The following POU6F2 variants were observed in gnomAD, a reference collection of about 807,000 sequenced individuals.
The protein encoded by POU6F2 is POU class 6 homeobox 2.
POU6F2 carries 31 observed loss-of-function variants against 71.3 expected under a neutral mutation model. The observed-to-expected ratio is 0.43, with a 90% CI of 0.33 to 0.59. POU6F2 has a LOEUF of 0.59. Among genes scored for constraint, POU6F2 ranks in the 20% least tolerant of loss-of-function variants. The pLI, the probability that POU6F2 is intolerant of heterozygous loss-of-function variation, is 0.04. For missense variants in POU6F2, 783 were observed against 856.8 expected (o/e 0.91, Z 1.07); for synonymous variants, 347 against 355.7 (o/e 0.98, Z 0.27).
At chr7:39,096,293 G>A (rs1791453470) in intron 2 of POU6F2, among the ~76,000 whole-genome samples, 1 of 152,104 alleles carries the variant, frequency 6.6e-6, no homozygotes, top group African/African-American at 2.4e-5. Flanking sequence ...GACATTAGTT[G>A]GAAAAGCAGT....
Position 39,013,444 on chromosome 7 carries a change from A to G in POU6F2, c.105+35386A>G, listed in dbSNP as rs903017268. ...CCACTGTCTGGAACTCCCTAGTGAG[A>G]AGAACCCGGTACCTCAGATGGAAAT... On this transcript the variant is annotated intron_variant, in intron 1 of 9. Coordinates refer to ENST00000518318, the MANE Select transcript of POU6F2 (RefSeq NM_001370959.1). 23 of 159,434 alleles carry G rather than the reference A, an allele frequency of 1.4e-4. 1 individual carries two copies. In the Middle Eastern group the frequency reaches 8.2e-3, roughly 57 times the overall value. 9.9% of individuals were successfully genotyped at this position (159,434 alleles called of 1,614,324 possible).
At position 39,406,677 on chromosome 7, in the gene POU6F2, T is replaced by C. The variant is rs1388432048; in HGVS notation, c.1050T>C (p.Phe350=). ...AMSSIASSQA[F]GNALSSLQGV... is the part of the protein sequence containing the mutation. ...GCTCCATAGCAAGCTCACAGGCCTTTGGCAATGCCCTCTCCAGTCTTCAGG... is the reference window on the plus strand; with the variant it reads ...GCTCCATAGCAAGCTCACAGGCCTTCGGCAATGCCCTCTCCAGTCTTCAGG... The change falls in exon 6 of 10, where the codon TTT becomes TTC. Residue 350 remains phenylalanine (F), a synonymous_variant. Coordinates refer to ENST00000518318, the MANE Select transcript of POU6F2 (RefSeq NM_001370959.1). The C allele has an allele frequency of 6.2e-7, 1 of 1,613,768 alleles. No individual in the cohort carries two copies. Among genetic ancestry groups the C allele is most frequent in the Non-Finnish European group, 8.5e-7 (1 of 1,179,856 alleles).
chr7:39,333,395 T>A (rs528053505), intron 4 of POU6F2, among the ~76,000 whole-genome samples: 102 of 152,122 alleles, frequency 6.7e-4, no homozygotes, highest in Non-Finnish European at 5.3e-4. Flanking sequence ...TTCCAACCAA[T>A]GATCTTGTTT....
rs17768985 is a variant in POU6F2 at position 39,333,968 on chromosome 7, A to G, written c.599-5674A>G. On this transcript the variant is annotated intron_variant, in intron 4 of 9. Coordinates refer to ENST00000518318, the MANE Select transcript of POU6F2 (RefSeq NM_001370959.1). ...AATTTCCTTACAAGCTCCCTTGGTGATTCTGGTCCACAATTTGAGATAGGC... is the reference window on the plus strand; with the variant it reads ...AATTTCCTTACAAGCTCCCTTGGTGGTTCTGGTCCACAATTTGAGATAGGC... Among the ~76,000 whole-genome samples the G allele has an allele frequency of 4.1e-3, 619 of 152,278 alleles. 36 individuals carry two copies. In the East Asian group the frequency reaches 0.11, roughly 27 times the overall value.
intron 2 of POU6F2, among the ~76,000 whole-genome samples, chr7:39,148,959 G>T (rs185860966): frequency 1.4e-3 from 212 of 152,282 alleles, no homozygotes; most frequent in African/African-American, 4.8e-3. Flanking sequence ...AAGGATGAGG[G>T]CATACTTTTT....
intron 2 of POU6F2, among the ~76,000 whole-genome samples, chr7:39,194,664 G>A (rs1793743462): frequency 1.4e-5 from 2 of 138,658 alleles, no homozygotes; most frequent in Admixed American, 7.3e-5. Flanking sequence ...GCTAGCAGTG[G>A]TAACCCACTC....
At chr7:39,083,762 T>C (rs1405111223) in intron 1 of POU6F2, 1 of 152,162 alleles carries the variant, frequency 6.6e-6, no homozygotes, top group Non-Finnish European at 1.5e-5. Flanking sequence ...ATATTTACAA[T>C]ATGGTGAGAC....
At chr7:39,364,748 C>T (rs1282299901) in intron 5 of POU6F2, among the ~76,000 whole-genome samples, 2 of 152,114 alleles carry the variant, frequency 1.3e-5, no homozygotes, top group Non-Finnish European at 2.9e-5. Flanking sequence ...GTATCTTTTC[C>T]GTGTAATGAC....
intron 1 of POU6F2, among the ~76,000 whole-genome samples, chr7:39,003,822 G>T (rs1788982758): frequency 1.3e-5 from 2 of 151,630 alleles, no homozygotes; most frequent in Middle Eastern, 3.4e-3. Flanking sequence ...TGTTTTCAAA[G>T]AAATTGACCT....
At chr7:39,010,867 G>T (rs1789259450) in intron 1 of POU6F2, among the ~76,000 whole-genome samples, 1 of 151,600 alleles carries the variant, frequency 6.6e-6, no homozygotes, top group Non-Finnish European at 1.5e-5. Flanking sequence ...GTGCTAGTTT[G>T]ATTGCACTGT....
intron 9 of POU6F2, among the ~76,000 whole-genome samples, chr7:39,462,351 C>T (rs761305867): frequency 3.9e-5 from 6 of 152,066 alleles, no homozygotes; most frequent in Non-Finnish European, 7.4e-5. Flanking sequence ...AAAGAAAGAC[C>T]GAGATCTTAT....
intron 4 of POU6F2, among the ~76,000 whole-genome samples, chr7:39,281,600 G>T (rs935289081): frequency 1.3e-5 from 2 of 152,134 alleles, no homozygotes; most frequent in African/African-American, 4.8e-5. Context: ...ATGTCTTCCA[G>T]ATTCATCCAT....
At chr7:39,054,770 T>G (rs1790473934) in intron 1 of POU6F2, among the ~76,000 whole-genome samples, 2 of 88,098 alleles carry the variant, frequency 2.3e-5, no homozygotes, top group Admixed American at 2.8e-4. Context: ...TCAGAGCTTT[T>G]TGGAGACACT....
At chr7:39,279,667 G>A (rs1215996804) in intron 4 of POU6F2, among the ~76,000 whole-genome samples, 1 of 152,182 alleles carries the variant, frequency 6.6e-6, no homozygotes, top group Admixed American at 6.5e-5. Context: ...TTCCTGGCTT[G>A]TACATTGTAT....
chr7:39,181,982 A>T (rs1793444716), intron 2 of POU6F2, among the ~76,000 whole-genome samples: 1 of 152,222 alleles, frequency 6.6e-6, no homozygotes, highest in Non-Finnish European at 1.5e-5. Context: ...CTACCTCCTC[A>T]GATTACAATC....
intron 4 of POU6F2, among the ~76,000 whole-genome samples, chr7:39,257,417 T>C (rs1784045914): frequency 6.6e-6 from 1 of 152,148 alleles, no homozygotes; most frequent in South Asian, 2.1e-4. Context: ...CTTGTTACAG[T>C]GAACTTTTAA....
intron 1 of POU6F2, among the ~76,000 whole-genome samples, chr7:39,062,908 G>A (rs1223012031): frequency 6.6e-6 from 1 of 151,638 alleles, no homozygotes; most frequent in Non-Finnish European, 1.5e-5. Flanking sequence ...GAGGAGTGGG[G>A]AGAATAAGAT....
intron 1 of POU6F2, among the ~76,000 whole-genome samples, chr7:39,081,696 G>A (rs770332294): frequency 3.9e-5 from 6 of 152,182 alleles, no homozygotes; most frequent in Non-Finnish European, 7.3e-5. Flanking sequence ...CAGCCAGAGA[G>A]CTGTTTTGTT....
At chr7:39,371,505 G>T in intron 5 of POU6F2, among the ~76,000 whole-genome samples, 1 of 152,066 alleles carries the variant, frequency 6.6e-6, no homozygotes, top group East Asian at 1.9e-4. Context: ...GTTCAGTCTG[G>T]GGGCTCGGAG....
Sources: allele counts gnomAD v4.1 joint callset (sites outside exome capture counted in the v4.1 genomes callset), GRCh38; gene constraint gnomAD v4.1.1; transcripts MANE v1.5; gene names NCBI Gene and HGNC (gene_info 2026-07-23, HGNC 2026-07-21).